The following FUT9 variants were observed in gnomAD, a reference collection of about 807,000 sequenced individuals.
The protein encoded by FUT9 is 4-galactosyl-N-acetylglucosaminide 3-alpha-L-fucosyltransferase 9.
In FUT9, 15 loss-of-function variants were observed where a neutral mutation model predicts 29.7. That is an observed-to-expected ratio of 0.51 (90% CI 0.34 to 0.78). The LOEUF (loss-of-function observed/expected upper bound fraction) is 0.78, where lower values mean the gene tolerates loss of function less well. FUT9 is among the 30% of genes least tolerant of loss of function. The pLI is 0.01. For missense variants in FUT9, 319 were observed against 425.4 expected, an observed-to-expected ratio of 0.75 and a Z score of 2.20; for synonymous variants, 169 against 153.7, an observed-to-expected ratio of 1.10 and a Z score of -0.74.
At chr6:96,020,396 C>T (rs1006411883) in intron 1 of FUT9, among the ~76,000 whole-genome samples, 4 of 152,040 alleles carry the variant, frequency 2.6e-5, no homozygotes, top group African/African-American at 7.2e-5. Context: ...GAGAAGGTTT[C>T]GTATCCATAT....
intron 2 of FUT9, among the ~76,000 whole-genome samples, chr6:96,169,820 C>T (rs1376333103): frequency 2.6e-5 from 4 of 152,008 alleles, no homozygotes; most frequent in Non-Finnish European, 5.9e-5. Context: ...AATAATTTTT[C>T]TCCTTTTGAA....
chr6:96,203,347 T>A lies in FUT9; in HGVS notation c.192T>A (p.Thr64=), dbSNP rs1308443163. The change falls in exon 3 of 3, where the codon ACT becomes ACA. Residue 64 remains threonine, a synonymous_variant. Transcript: ENST00000302103. ...CCAAAACTGATTATTTTAATGAAAC[T>A]ACTATTCTGGTGTGGGTGTGGCCAT... ...FSTKTDYFNE[T]TILVWVWPFG... is the part of the protein sequence containing the mutation. The A allele has an allele frequency of 2.5e-6, 4 of 1,613,804 alleles. No homozygotes were observed. In the South Asian group the frequency reaches 4.4e-5, roughly 18 times the overall value.
intron 2 of FUT9, among the ~76,000 whole-genome samples, chr6:96,148,472 T>C (rs943332873): frequency 1.3e-5 from 2 of 152,220 alleles, no homozygotes; most frequent in East Asian, 1.9e-4. Flanking sequence ...ATTTACAGTT[T>C]CGCTTTCAGT....
intron 2 of FUT9, among the ~76,000 whole-genome samples, chr6:96,120,208 T>C (rs912417775): frequency 6.6e-6 from 1 of 151,862 alleles, no homozygotes; most frequent in African/African-American, 2.4e-5. Flanking sequence ...TGTTTTGTTT[T>C]TGTTTAAAAG....
intron 2 of FUT9, among the ~76,000 whole-genome samples, chr6:96,200,783 T>C (rs1773713879): frequency 1.3e-5 from 2 of 152,092 alleles, no homozygotes; most frequent in East Asian, 3.8e-4. Flanking sequence ...AAGAGACCCT[T>C]TCAGTAAGGT....
At chr6:96,072,663 A>C (rs979528993) in intron 1 of FUT9, among the ~76,000 whole-genome samples, 2 of 152,186 alleles carry the variant, frequency 1.3e-5, no homozygotes, top group Admixed American at 6.5e-5. Flanking sequence ...ATTCAGATAG[A>C]AAAAGGCAAC....
chr6:96,203,110 C>T, intron 2 of FUT9, 38 bp from the exon 3 acceptor site: 1 of 1,481,774 alleles, frequency 6.7e-7, no homozygotes, highest in South Asian at 1.3e-5. Flanking sequence ...TCTTCATTCC[C>T]ACCGCTACCT....
chr6:96,020,380 A>G (rs1335188770), intron 1 of FUT9, among the ~76,000 whole-genome samples: 1 of 152,118 alleles, frequency 6.6e-6, no homozygotes, highest in Non-Finnish European at 1.5e-5. Context: ...TATTTATGTC[A>G]TCACAGAGAA....
At position 96,055,704 on chromosome 6, in the gene FUT9, TTTTTC is replaced by T. The variant is rs767317095; in HGVS notation, c.-98+39497_-98+39501del. On this transcript the variant is annotated intron_variant, in intron 1 of 2. Transcript: ENST00000302103. ...CGTTTTTGTTTTTGTTTTCTATTTCTTTTTCTTTTTTTTTTTTTTTCCTAGAGATA... is the reference window on the plus strand; with the variant it reads ...CGTTTTTGTTTTTGTTTTCTATTTCTTTTTTTTTTTTTTTTCCTAGAGATA... Among the ~76,000 whole-genome samples the T allele has an allele frequency of 3.4e-3, 234 of 69,466 alleles. 2 individuals are homozygous for T. The highest frequency in any genetic ancestry group is 0.015 in the Middle Eastern group (2 of 134). 45.6% of individuals were successfully genotyped at this position (69,466 alleles called of 152,430 possible).
At chr6:96,078,470 G>C (rs569068951) in intron 1 of FUT9, among the ~76,000 whole-genome samples, 1 of 122,114 alleles carries the variant, frequency 8.2e-6, no homozygotes, top group East Asian at 2.5e-4. Context: ...CCACAGGCTG[G>C]AGTGCAGTGG....
chr6:96,062,739 G>A (rs1770898373), intron 1 of FUT9, among the ~76,000 whole-genome samples: 1 of 151,992 alleles, frequency 6.6e-6, no homozygotes, highest in Non-Finnish European at 1.5e-5. Context: ...ATTTTACAAT[G>A]AGTAGGTAAT....
Position 96,212,510 on chromosome 6 carries a change from T to G in FUT9, c.*8275T>G, listed in dbSNP as rs1370936558. ...ATCAAAAAACAAAGACTATCATATTTGAGAACAAGATTTTACTTAGAAGGG... is the reference window on the plus strand; with the variant it reads ...ATCAAAAAACAAAGACTATCATATTGGAGAACAAGATTTTACTTAGAAGGG... On this transcript the variant is annotated 3_prime_UTR_variant, in exon 3 of 3. Transcript: ENST00000302103. 3 of 407,980 alleles carry G rather than the reference T, an allele frequency of 7.4e-6. No individual in the cohort carries two copies. The highest frequency in any genetic ancestry group is 2.1e-5 in the African/African-American group (1 of 48,486). 25.3% of individuals were successfully genotyped at this position (407,980 alleles called of 1,614,324 possible).
chr6:96,193,972 A>C (rs1047090887), intron 2 of FUT9, among the ~76,000 whole-genome samples: 2 of 152,164 alleles, frequency 1.3e-5, no homozygotes, highest in African/African-American at 4.8e-5. Context: ...CAAACACTGC[A>C]TGTTCTCACT....
chr6:96,187,204 A>G (rs751531334), intron 2 of FUT9, among the ~76,000 whole-genome samples: 1 of 152,148 alleles, frequency 6.6e-6, no homozygotes, highest in Non-Finnish European at 1.5e-5. Context: ...CTCTATCATT[A>G]GCAGATAGAG....
At chr6:96,156,623 T>G (rs774868845) in intron 2 of FUT9, among the ~76,000 whole-genome samples, 1 of 152,136 alleles carries the variant, frequency 6.6e-6, no homozygotes, top group African/African-American at 2.4e-5. Flanking sequence ...TCCGGGCATG[T>G]TTAGGCAAGC....
intron 1 of FUT9, among the ~76,000 whole-genome samples, chr6:96,097,972 C>T (rs1371089372): frequency 6.6e-6 from 1 of 152,022 alleles, no homozygotes; most frequent in African/African-American, 2.4e-5. Context: ...GCCACCCTTG[C>T]TCCCACCCCA....
At chr6:96,142,763 A>G (rs1010837611) in intron 2 of FUT9, among the ~76,000 whole-genome samples, 2 of 152,114 alleles carry the variant, frequency 1.3e-5, no homozygotes, top group African/African-American at 2.4e-5. Context: ...AATATTTTTT[A>G]AATTATAAGG....
chr6:96,034,224 C>A (rs1770314558), intron 1 of FUT9, among the ~76,000 whole-genome samples: 1 of 151,514 alleles, frequency 6.6e-6, no homozygotes, highest in Non-Finnish European at 1.5e-5. Context: ...AACCTCTGTA[C>A]CAACTTGGGA....
In FUT9 at chr6:96,204,202, T is replaced by C; in HGVS notation, c.1047T>C (p.Ser349=). 6.9e-7 allele frequency: 1 copy of C among 1,447,378 alleles called. No individual in the cohort carries two copies. Among genetic ancestry groups the C allele is most frequent in the Non-Finnish European group, 9.1e-7 (1 of 1,096,730 alleles). The allele number at this position is 1,447,378 out of a possible 1,614,324, so 89.7% of individuals were successfully genotyped here. ...DHVKRHQEYK[S]VGNLEKWFWN is the part of the protein sequence containing the mutation. ...TGAAAAGGCATCAAGAATATAAGTCTGTTGGTAATTTAGAGAAATGGTTTT... is the reference window on the plus strand; with the variant it reads ...TGAAAAGGCATCAAGAATATAAGTCCGTTGGTAATTTAGAGAAATGGTTTT... Residue 349 remains serine, a synonymous_variant, in exon 3 of 3, where the codon TCT becomes TCC. Transcript: ENST00000302103.
Sources: allele counts gnomAD v4.1 joint callset (sites outside exome capture counted in the v4.1 genomes callset), GRCh38; gene constraint gnomAD v4.1.1; transcripts MANE v1.5; gene names NCBI Gene and HGNC (gene_info 2026-07-23, HGNC 2026-07-21).